The following SMIM13 variants were observed in gnomAD, a reference collection of about 807,000 sequenced individuals.
The protein encoded by SMIM13 is small integral membrane protein 13, also known as UPF0766 protein C6orf228.
A neutral mutation model predicts 5.9 loss-of-function variants in SMIM13; 3 were observed. That is an observed-to-expected ratio of 0.51 (90% confidence interval 0.23 to 1.31). The LOEUF (loss-of-function observed/expected upper bound fraction) is 1.31. Among genes scored for constraint, SMIM13 ranks in the 40% most tolerant of loss-of-function variants. SMIM13 has a pLI of 0.18. For synonymous variants in SMIM13, 55 were observed against 46.0 expected, an observed-to-expected ratio of 1.19 and a Z score of -0.79; for missense variants, 85 against 109.9, an observed-to-expected ratio of 0.77 and a Z score of 1.01.
At chr6:11,120,846 G>A (rs1176308266) in intron 1 of SMIM13, among the ~76,000 whole-genome samples, 1 of 152,180 alleles carries the variant, frequency 6.6e-6, no homozygotes. Context: ...CACAGTGATT[G>A]AATGTAAAAG....
chr6:11,117,983 G>A (rs753943883), intron 1 of SMIM13, among the ~76,000 whole-genome samples: 2 of 151,804 alleles, frequency 1.3e-5, no homozygotes, highest in African/African-American at 4.8e-5. Context: ...TGACCCGCCC[G>A]CCTCGGCCTC....
At chr6:11,115,901 GGT>G (rs1758232651) in intron 1 of SMIM13, among the ~76,000 whole-genome samples, 1 of 150,908 alleles carries the variant, frequency 6.6e-6, no homozygotes, top group African/African-American at 2.4e-5. Flanking sequence ...TGGTCAGGCT[GGT>G]CTCGAACTCC....
At position 11,114,148 on chromosome 6, in the gene SMIM13, T is replaced by C. The variant is rs200620951; in HGVS notation, c.76+19759T>C. Among the ~76,000 whole-genome samples the C allele has an allele frequency of 7.4e-4, 112 of 151,814 alleles. 3 individuals carry two copies. In the East Asian group the frequency reaches 0.02, roughly 28 times the overall value. On this transcript the variant is annotated intron_variant, in intron 1 of 1. Transcript: ENST00000416247. Reference sequence around the variant, plus strand: ...GTGCGCGCCACCACGCCTGGCTGATTTTTGTATTTTTAGTAGAGATGGGAT... The same window carrying C: ...GTGCGCGCCACCACGCCTGGCTGATCTTTGTATTTTTAGTAGAGATGGGAT...
At chr6:11,117,083 C>T (rs571586326) in intron 1 of SMIM13, among the ~76,000 whole-genome samples, 2 of 146,678 alleles carry the variant, frequency 1.4e-5, no homozygotes, top group African/African-American at 2.5e-5. Context: ...CTCCACCTCC[C>T]GGGTTCAACT....
At chr6:11,119,630 G>A (rs1429556067) in intron 1 of SMIM13, among the ~76,000 whole-genome samples, 1 of 151,684 alleles carries the variant, frequency 6.6e-6, no homozygotes, top group East Asian at 1.9e-4. Context: ...CTCCAGCCTG[G>A]ACGACAGAGC....
At chr6:11,104,039 C>T (rs532171898) in intron 1 of SMIM13, 73 of 1,551,688 alleles carry the variant, frequency 4.7e-5, no homozygotes, top group Admixed American at 3.1e-4. Flanking sequence ...CCTGTGCTGC[C>T]GTTAACATGT....
chr6:11,135,131 A>G lies in SMIM13; in HGVS notation c.*529A>G, dbSNP rs555956196. The G allele has an allele frequency of 1.3e-5, 2 of 152,684 alleles. No individual in the cohort carries two copies. Among genetic ancestry groups the G allele is most frequent in the African/African-American group, 2.4e-5 (1 of 41,458 alleles). The allele number at this position is 152,684 out of a possible 1,614,324, so 9.5% of individuals were successfully genotyped here. ...TTTAAAATGTCTTCAAAAAGATCAC[A>G]CTATGATTCAGCATTGAAACGAAAA... On this transcript the variant is annotated 3_prime_UTR_variant, in exon 2 of 2. Transcript: ENST00000416247.
chr6:11,120,617 A>G (rs1758297223), intron 1 of SMIM13, among the ~76,000 whole-genome samples: 1 of 152,232 alleles, frequency 6.6e-6, no homozygotes, highest in Non-Finnish European at 1.5e-5. Context: ...GACTACAGCA[A>G]GTAGCAAAAT....
intron 1 of SMIM13, chr6:11,103,795 G>C: frequency 6.4e-7 from 1 of 1,551,650 alleles, no homozygotes; most frequent in Non-Finnish European, 8.7e-7. Context: ...TGGGTTATTA[G>C]ATTTAGGAGA....
intron 1 of SMIM13, chr6:11,104,095 T>C: frequency 1.3e-6 from 2 of 1,542,840 alleles, no homozygotes; most frequent in Admixed American, 2.0e-5. Flanking sequence ...AAAGAGTCGA[T>C]TTGTTCTTGC....
At chr6:11,120,729 T>C (rs577629118) in intron 1 of SMIM13, among the ~76,000 whole-genome samples, 1 of 151,664 alleles carries the variant, frequency 6.6e-6, no homozygotes, top group Admixed American at 6.6e-5. Context: ...CTCTGTCTTA[T>C]GTAGCTGGCT....
Position 11,138,467 on chromosome 6 carries a change from G to A in SMIM13, c.*3865G>A, listed in dbSNP as rs1758542431. On this transcript the variant is annotated 3_prime_UTR_variant, in exon 2 of 2. Coordinates refer to ENST00000416247, the MANE Select transcript of SMIM13 (RefSeq NM_001135575.2). ...TAACCATTCACCAAATACTGCTGCT[G>A]TGATTCCTTGAAGGAAATATTCTGT... The A allele has an allele frequency of 6.6e-6, 1 of 152,100 alleles. No individual in the cohort carries two copies. The highest frequency in any genetic ancestry group is 2.4e-5 in the African/African-American group (1 of 41,432). The allele number at this position is 152,100 out of a possible 1,614,324, so 9.4% of individuals were successfully genotyped here.
At chr6:11,107,886 A>G (rs557589487) in intron 1 of SMIM13, among the ~76,000 whole-genome samples, 178 of 152,338 alleles carry the variant, frequency 1.2e-3, no homozygotes, top group African/African-American at 3.9e-3. Flanking sequence ...ACTGCCTTCT[A>G]CAAGGATAGC....
chr6:11,117,278 C>T (rs1295688592), intron 1 of SMIM13, among the ~76,000 whole-genome samples: 1 of 148,886 alleles, frequency 6.7e-6, no homozygotes, highest in Admixed American at 6.6e-5. Flanking sequence ...ATTCTCCTGC[C>T]TCAGCCTCCC....
At chr6:11,097,378 G>A (rs915385087) in intron 1 of SMIM13, among the ~76,000 whole-genome samples, 2 of 152,012 alleles carry the variant, frequency 1.3e-5, no homozygotes, top group Non-Finnish European at 2.9e-5. Flanking sequence ...TCTGCAGGCC[G>A]GGCATGGCGG....
At chr6:11,119,508 G>A (rs960720271) in intron 1 of SMIM13, among the ~76,000 whole-genome samples, 1 of 152,144 alleles carries the variant, frequency 6.6e-6, no homozygotes, top group African/African-American at 2.4e-5. Context: ...CAAAAAATTA[G>A]CCAGGCGTGG....
At chr6:11,097,754 G>A (rs1338296586) in intron 1 of SMIM13, among the ~76,000 whole-genome samples, 2 of 152,006 alleles carry the variant, frequency 1.3e-5, no homozygotes, top group Non-Finnish European at 2.9e-5. Flanking sequence ...GATGGCACAC[G>A]ATTCACTCTA....
In SMIM13 at chr6:11,137,532, A is replaced by G. The variant is rs1439515919; in HGVS notation, c.*2930A>G. Reference sequence around the variant, plus strand: ...GTTTATAAGCATTAAAAACACATACATGTATTAGAATCTTGTCTAACCCCT... The same window carrying G: ...GTTTATAAGCATTAAAAACACATACGTGTATTAGAATCTTGTCTAACCCCT... On this transcript the variant is annotated 3_prime_UTR_variant, in exon 2 of 2. Coordinates refer to ENST00000416247, the MANE Select transcript of SMIM13 (RefSeq NM_001135575.2). 6.6e-6 allele frequency: 1 copy of G among 152,146 alleles called. No homozygotes were observed. Among genetic ancestry groups the G allele is most frequent in the Non-Finnish European group, 1.5e-5 (1 of 68,002 alleles). 9.4% of individuals were successfully genotyped at this position (152,146 alleles called of 1,614,324 possible).
At chr6:11,132,581 T>A (rs528549140) in intron 1 of SMIM13, among the ~76,000 whole-genome samples, 1 of 152,294 alleles carries the variant, frequency 6.6e-6, no homozygotes, top group African/African-American at 2.4e-5. Context: ...AAATTGAATA[T>A]TATTCAACCA....
Sources: gnomAD v4.1 joint callset for allele counts (sites outside exome capture counted in the v4.1 genomes callset) on GRCh38, gnomAD v4.1.1 for gene constraint, MANE v1.5 for transcripts, NCBI Gene and HGNC (gene_info 2026-07-23, HGNC 2026-07-21) for gene names.